The following CSMD1 variants were observed in gnomAD, a reference collection of about 807,000 sequenced individuals.
CSMD1 encodes CUB and sushi domain-containing protein 1.
CSMD1 carries 213 observed loss-of-function variants against 417.5 expected under a neutral mutation model. That is an observed-to-expected ratio of 0.51 (90% CI 0.46 to 0.57). CSMD1 has a LOEUF of 0.57. CSMD1 is among the 20% of genes least tolerant of loss of function. The pLI is 0.00. For missense variants in CSMD1, 6,923 were observed against 4,529.7 expected, an observed-to-expected ratio of 1.53 and a Z score of -15.17; for synonymous variants, 2,862 against 1,736.8, an observed-to-expected ratio of 1.65 and a Z score of -16.11.
rs1259894171 is a variant in CSMD1 at position 3,796,454 on chromosome 8, T to C, written c.819-42412A>G. Reference sequence around the variant, plus strand: ...TATATATATCTATCGTGTATAGATATAGATATCTATCATGTATATAGATAT... The same window carrying C: ...TATATATATCTATCGTGTATAGATACAGATATCTATCATGTATATAGATAT... On this transcript the variant is annotated intron_variant, in intron 5 of 69. Coordinates refer to ENST00000635120, the MANE Select transcript of CSMD1 (RefSeq NM_033225.6). Among the ~76,000 whole-genome samples, 2 of 138,436 alleles carry C rather than the reference T, an allele frequency of 1.4e-5. 1 individual carries two copies. The highest frequency in any genetic ancestry group is 3.1e-5 in the Non-Finnish European group (2 of 64,746). The allele number at this position is 138,436 out of a possible 152,430, so 90.8% of individuals were successfully genotyped here.
intron 5 of CSMD1, among the ~76,000 whole-genome samples, chr8:3,957,055 A>G (rs1205492242): frequency 6.6e-6 from 1 of 150,852 alleles, no homozygotes; most frequent in Non-Finnish European, 1.5e-5. Context: ...GAAATAACGT[A>G]GGAGACAAAA....
chr8:3,379,149 TG>T (rs1282416782), intron 18 of CSMD1, among the ~76,000 whole-genome samples: 1 of 152,148 alleles, frequency 6.6e-6, no homozygotes, highest in African/African-American at 2.4e-5. Context: ...CATTCACAAT[TG>T]CTACAAAGAG....
chr8:3,409,665 C>T (rs560042232), intron 12 of CSMD1, 60 bp from the exon 13 acceptor site: 6 of 1,342,346 alleles, frequency 4.5e-6, no homozygotes, highest in African/African-American at 1.5e-5. Flanking sequence ...ATTTTTATCT[C>T]TACAACTTAG....
In CSMD1 at chr8:3,348,172, T is replaced by A. The variant is rs761951273; in HGVS notation, c.3305-11A>T. 6.2e-7 allele frequency: 1 copy of A among 1,606,870 alleles called. No individual in the cohort carries two copies. The highest frequency in any genetic ancestry group is 1.7e-5 in the Admixed American group (1 of 59,160). On this transcript the variant is annotated splice_polypyrimidine_tract_variant and intron_variant, in intron 21 of 69. Transcript: ENST00000635120. ...TTGCTCCACATTCGGCTACAATAAATAGGACATGAGAGAAAGAGGATTCAA... is the reference window on the plus strand; with the variant it reads ...TTGCTCCACATTCGGCTACAATAAAAAGGACATGAGAGAAAGAGGATTCAA...
At chr8:4,719,859 T>C (rs1206092128) in intron 1 of CSMD1, among the ~76,000 whole-genome samples, 3 of 152,182 alleles carry the variant, frequency 2.0e-5, no homozygotes, top group South Asian at 4.1e-4. Flanking sequence ...GTATAAAATA[T>C]GGGAAAGGAC....
chr8:4,749,048 CTGTGTGCG>C (rs1460922263), intron 1 of CSMD1, among the ~76,000 whole-genome samples: 7 of 145,738 alleles, frequency 4.8e-5, no homozygotes, highest in Non-Finnish European at 1.0e-4. Context: ...GTGTGTGTGC[CTGTGTGCG>C]TGTGTGTGTG....
At chr8:3,267,247 C>G (rs564235149) in intron 26 of CSMD1, among the ~76,000 whole-genome samples, 2 of 152,204 alleles carry the variant, frequency 1.3e-5, no homozygotes, top group Admixed American at 6.5e-5. Context: ...CTTGCATGAC[C>G]GTTGGAAGGA....
At chr8:4,165,240 A>G (rs547159029) in intron 3 of CSMD1, among the ~76,000 whole-genome samples, 1 of 152,318 alleles carries the variant, frequency 6.6e-6, no homozygotes, top group Admixed American at 6.5e-5. Context: ...TTCTTTTCAA[A>G]AGGACATGGA....
At chr8:4,740,617 T>C (rs555968725) in intron 1 of CSMD1, among the ~76,000 whole-genome samples, 12 of 152,310 alleles carry the variant, frequency 7.9e-5, no homozygotes, top group African/African-American at 2.4e-4. Context: ...TGAAATGTTG[T>C]GGAAGACACA....
chr8:3,763,782 T>C (rs778856119), intron 5 of CSMD1, among the ~76,000 whole-genome samples: 9 of 152,094 alleles, frequency 5.9e-5, no homozygotes, highest in Non-Finnish European at 1.0e-4. Context: ...TGACCAGGGC[T>C]CCATATTCTC....
chr8:4,013,322 G>A lies in CSMD1; in HGVS notation c.611-15212C>T, dbSNP rs186994436. On this transcript the variant is annotated intron_variant, in intron 4 of 69. Coordinates refer to ENST00000635120, the MANE Select transcript of CSMD1 (RefSeq NM_033225.6). ...TTGCTCTATTCTTCGTTCACTCACC[G>A]TACGCTGTTGTCTCAAGGCCAAACA... is the stretch of plus-strand genomic sequence containing the variant. Among the ~76,000 whole-genome samples the A allele has an allele frequency of 9.5e-3, 1,445 of 152,060 alleles. 70 individuals are homozygous for A. Among genetic ancestry groups the A allele is most frequent in the Admixed American group, 0.078 (1,196 of 15,272 alleles).
intron 1 of CSMD1, among the ~76,000 whole-genome samples, chr8:4,946,105 A>G (rs1472875342): frequency 6.6e-6 from 1 of 152,112 alleles, no homozygotes; most frequent in Non-Finnish European, 1.5e-5. Context: ...AGCTGTCTCT[A>G]CGTGGCTCTG....
intron 3 of CSMD1, among the ~76,000 whole-genome samples, chr8:4,317,795 T>C (rs1486068229): frequency 2.6e-5 from 4 of 152,180 alleles, no homozygotes; most frequent in Non-Finnish European, 1.5e-5. Context: ...TATAGTAAAG[T>C]GCCTGATACA....
intron 23 of CSMD1, among the ~76,000 whole-genome samples, chr8:3,315,495 T>C (rs1308983474): frequency 6.6e-6 from 1 of 151,738 alleles, no homozygotes; most frequent in African/African-American, 2.4e-5. Flanking sequence ...TATTTATGGT[T>C]TTTTAAGCTA....
At position 3,188,062 on chromosome 8, in the gene CSMD1, A is replaced by T. The variant is rs1222456749; in HGVS notation, c.5524-97T>A. 7.5e-6 allele frequency: 4 copies of T among 532,444 alleles called. No homozygotes were observed. The Admixed American group carries it at 9.5e-5, about 13-fold the overall frequency. 33.0% of individuals were successfully genotyped at this position (532,444 alleles called of 1,614,324 possible). ...GGGGTTTTTCATGATTAAGGTGTATATGTATATATATATACATATGTATAT... is the reference window on the plus strand; with the variant it reads ...GGGGTTTTTCATGATTAAGGTGTATTTGTATATATATATACATATGTATAT... On this transcript the variant is annotated intron_variant, in intron 35 of 69. Transcript: ENST00000635120.
intron 2 of CSMD1, among the ~76,000 whole-genome samples, chr8:4,516,514 G>C (rs947312058): frequency 1.3e-5 from 2 of 152,076 alleles, no homozygotes; most frequent in African/African-American, 4.8e-5. Context: ...CCCTTCCTTG[G>C]GGAGTTGATG....
At chr8:4,752,730 T>C (rs553612428) in intron 1 of CSMD1, among the ~76,000 whole-genome samples, 2 of 152,276 alleles carry the variant, frequency 1.3e-5, no homozygotes, top group South Asian at 2.1e-4. Context: ...AACGAAAAAG[T>C]TGCTTCTTGG....
intron 5 of CSMD1, among the ~76,000 whole-genome samples, chr8:3,808,803 G>C (rs549490076): frequency 6.6e-6 from 1 of 152,186 alleles, no homozygotes; most frequent in African/African-American, 2.4e-5. Flanking sequence ...AAAATTTCAA[G>C]GGGCATTTGG....
At chr8:3,356,457 A>G (rs561586148) in intron 21 of CSMD1, among the ~76,000 whole-genome samples, 1 of 152,308 alleles carries the variant, frequency 6.6e-6, no homozygotes, top group Admixed American at 6.5e-5. Flanking sequence ...CGGGCACATC[A>G]CATGGTCAGG....
Sources: allele counts gnomAD v4.1 joint callset (sites outside exome capture counted in the v4.1 genomes callset), GRCh38; gene constraint gnomAD v4.1.1; transcripts MANE v1.5; gene names NCBI Gene and HGNC (gene_info 2026-07-23, HGNC 2026-07-21).